The following UCKL1 variants were observed in gnomAD, a reference collection of about 807,000 sequenced individuals.
The protein encoded by UCKL1 is uridine-cytidine kinase-like 1.
Under a neutral mutation model 59.2 loss-of-function variants are expected in UCKL1, and 65 were observed. The ratio of observed to expected loss-of-function variants is 1.10; its 90% CI spans 0.90 to 1.35. The LOEUF is 1.35. UCKL1 is among the 40% of genes most tolerant of loss of function. The pLI is 0.00. For missense variants in UCKL1, 703 were observed against 784.3 expected (o/e 0.90, Z 1.24); for synonymous variants, 410 against 323.1 (o/e 1.27, Z -2.88).
chr20:63,940,766 C>T, intron 11 of UCKL1, 28 bp downstream of exon 11: 1 of 1,603,268 alleles, frequency 6.2e-7, no homozygotes. Flanking sequence ...GCAGCCTGTC[C>T]CGCGCCCAGG....
At chr20:63,951,807 C>CTG (rs2057663913) in intron 1 of UCKL1, among the ~76,000 whole-genome samples, 3 of 152,180 alleles carry the variant, frequency 2.0e-5, no homozygotes, top group Non-Finnish European at 2.9e-5. Flanking sequence ...AGCCACCTCC[C>CTG]CGCCCACAGA....
At chr20:63,946,119 A>G (rs1294355028) in intron 3 of UCKL1, 42 bp downstream of exon 3, 1 of 1,606,416 alleles carries the variant, frequency 6.2e-7, no homozygotes, top group Admixed American at 1.7e-5. Context: ...AGGGTCAGGG[A>G]GAGGACAAAG....
chr20:63,941,069 G>A (rs1416269611), intron 9 of UCKL1, 26 bp from the exon 10 acceptor site: 13 of 1,599,360 alleles, frequency 8.1e-6, no homozygotes, highest in Non-Finnish European at 1.1e-5. Context: ...TTGAGCGGGA[G>A]CACGCGCCCG....
chr20:63,945,686 C>T lies in UCKL1; in HGVS notation c.619G>A (p.Gly207Ser). 1.2e-6 allele frequency: 2 copies of T among 1,613,142 alleles called. No individual in the cohort carries two copies. Among genetic ancestry groups the T allele is most frequent in the Non-Finnish European group, 1.7e-6 (2 of 1,179,870 alleles). The change falls in exon 5 of 15, where the codon GGC becomes AGC. Residue 207 changes from glycine (G) to serine (S), a missense_variant. Physicochemically the swap from Gly to Ser is moderately conservative, Grantham distance 56. This residue lies in a region of UCKL1 where 398 missense variants were observed against 373.0 expected (regional missense o/e 1.07). Coordinates refer to ENST00000354216, the MANE Select transcript of UCKL1 (RefSeq NM_017859.4). ...LYGANVIIFE[G>S]IMAFADKTLL... ...GTCTTGTCAGCAAAGGCCATGATGC[C>T]CTCAAAGATGATGACGTTTGCACCA...
intron 1 of UCKL1, among the ~76,000 whole-genome samples, chr20:63,949,699 G>A (rs1207933430): frequency 6.6e-6 from 1 of 152,194 alleles, no homozygotes; most frequent in Non-Finnish European, 1.5e-5. Context: ...TCCCCTCTAT[G>A]CCTAACCCCA....
chr20:63,945,581 C>G, intron 5 of UCKL1, 70 bp downstream of exon 5: 1 of 1,523,152 alleles, frequency 6.6e-7, no homozygotes, highest in South Asian at 1.2e-5. Context: ...GGCAGGAGGA[C>G]GCACACCTCA....
intron 1 of UCKL1, among the ~76,000 whole-genome samples, chr20:63,952,371 C>T (rs542860667): frequency 5.3e-5 from 8 of 152,290 alleles, no homozygotes; most frequent in Admixed American, 2.0e-4. Flanking sequence ...AGGCGAGGGA[C>T]GGAGGAGCCC....
intron 1 of UCKL1, 57 bp downstream of exon 1, chr20:63,956,203 C>A: frequency 1.4e-6 from 2 of 1,407,882 alleles, no homozygotes; most frequent in South Asian, 1.4e-5. Context: ...CCCAGCTCGG[C>A]CGGATCTGCA....
intron 7 of UCKL1, 123 bp from the exon 8 acceptor site, chr20:63,943,792 G>A: frequency 2.1e-6 from 3 of 1,408,986 alleles, no homozygotes; most frequent in Admixed American, 3.6e-5. Flanking sequence ...AGCCAGCCAT[G>A]GGGGGTGGCA....
At chr20:63,946,664 G>C in intron 1 of UCKL1, 21 bp from the exon 2 acceptor site, 3 of 1,601,204 alleles carry the variant, frequency 1.9e-6, no homozygotes, top group Non-Finnish European at 2.5e-6. Context: ...GGATGTACTC[G>C]GATGTGGCCC....
intron 1 of UCKL1, chr20:63,948,573 GAGGGGATGTGTGTGAGAGGGA>G (rs2056900607): frequency 1.3e-5 from 1 of 75,392 alleles, no homozygotes; most frequent in African/African-American, 5.0e-5. Context: ...GTGTGAGAGG[GAGGGGATGTGTGTGAGAGGGA>G]GGGGGCGTGT....
At position 63,946,681 on chromosome 20, in the gene UCKL1, GCCCA is replaced by G. The variant is rs775584668; in HGVS notation, c.114-42_114-39del. The G allele has an allele frequency of 1.2e-4, 183 of 1,586,944 alleles. 1 individual carries two copies. In the Middle Eastern group the frequency reaches 1.5e-3, roughly 13 times the overall value. On this transcript the variant is annotated intron_variant, in intron 1 of 14. Coordinates refer to ENST00000354216, the MANE Select transcript of UCKL1 (RefSeq NM_017859.4). ...ATGTACTCGGATGTGGCCCAGAGCT[GCCCA>G]CCTCCCAGGTACCCGCTGGCATGGC...
chr20:63,950,856 C>T (rs1457994455), intron 1 of UCKL1: 1 of 1,486,422 alleles, frequency 6.7e-7, no homozygotes, highest in African/African-American at 1.4e-5. Context: ...TGCTCCTGAA[C>T]AGCAGAGTGG....
rs2054073003 is a variant in UCKL1, at chr20:63,940,490, G to A, written c.1303-5C>T. On this transcript the variant is annotated splice_region_variant and splice_polypyrimidine_tract_variant and intron_variant, in intron 12 of 14. Transcript: ENST00000354216. ...GGGCAGCCTCAGGTAGTGGAGCTGC[G>A]GGCAGCAGGGGTCAGGCTGCAGGTG... is the stretch of plus-strand genomic sequence containing the variant. The A allele has an allele frequency of 6.2e-7, 1 of 1,609,644 alleles. No homozygotes were observed. The highest frequency in any genetic ancestry group is 1.3e-5 in the African/African-American group (1 of 75,018).
intron 5 of UCKL1, among the ~76,000 whole-genome samples, chr20:63,945,235 C>T (rs1393466405): frequency 6.6e-6 from 1 of 152,128 alleles, no homozygotes; most frequent in Non-Finnish European, 1.5e-5. Context: ...GTCCTCTGGG[C>T]CTGTACAAGG....
At chr20:63,941,315 C>G in intron 8 of UCKL1, 107 bp from the exon 9 acceptor site, 1 of 1,444,852 alleles carries the variant, frequency 6.9e-7, no homozygotes, top group Non-Finnish European at 9.2e-7. Flanking sequence ...ACGGGCCAGG[C>G]ACAGCACGAG....
At chr20:63,941,072 C>T (rs751406931) in intron 9 of UCKL1, 29 bp from the exon 10 acceptor site, 3 of 1,599,554 alleles carry the variant, frequency 1.9e-6, no homozygotes, top group East Asian at 2.3e-5. Context: ...AGCGGGAGCA[C>T]GCGCCCGGGG....
At position 63,944,388 on chromosome 20, in the gene UCKL1, C is replaced by G. The variant is rs1279406200; in HGVS notation, c.906+9G>C. ...GGGCTAGGCCGTGGGGACGTGGGACCCCGCTCACCTCCTCCAGCTGGCTGT... is the reference window on the plus strand; with the variant it reads ...GGGCTAGGCCGTGGGGACGTGGGACGCCGCTCACCTCCTCCAGCTGGCTGT... On this transcript the variant is annotated intron_variant, in intron 7 of 14. Coordinates refer to ENST00000354216, the MANE Select transcript of UCKL1 (RefSeq NM_017859.4). 1 of 1,553,522 alleles carries G rather than the reference C, an allele frequency of 6.4e-7. No individual in the cohort carries two copies. Among genetic ancestry groups the G allele is most frequent in the Non-Finnish European group, 8.7e-7 (1 of 1,149,886 alleles).
chr20:63,950,781 G>A (rs890742091), intron 1 of UCKL1: 61 of 1,539,496 alleles, frequency 4.0e-5, no homozygotes, highest in Admixed American at 1.6e-4. Context: ...CCAAGGGCCC[G>A]GCACCCTGAG....
Sources: allele counts gnomAD v4.1 joint callset (sites outside exome capture counted in the v4.1 genomes callset), GRCh38; gene constraint gnomAD v4.1.1; regional missense constraint gnomAD v4.1.1; transcripts MANE v1.5; gene names NCBI Gene and HGNC (gene_info 2026-07-23, HGNC 2026-07-21).